The following NRIP1 variants were observed in gnomAD, a reference collection of about 807,000 sequenced individuals.
NRIP1 encodes nuclear receptor interacting protein 1, also known as nuclear receptor-interacting protein 1.
A neutral mutation model predicts 75.0 loss-of-function variants in NRIP1; 28 were observed. The ratio of observed to expected loss-of-function variants is 0.37; its 90% confidence interval spans 0.28 to 0.51. NRIP1 has a LOEUF of 0.51. NRIP1 is among the 20% of genes least tolerant of loss of function. NRIP1 has a pLI of 0.92. For missense variants in NRIP1, 1,435 were observed against 1,343.7 expected, an observed-to-expected ratio of 1.07 and a Z score of -1.06; for synonymous variants, 526 against 487.6, an observed-to-expected ratio of 1.08 and a Z score of -1.04.
At chr21:14,993,368 G>A (rs951278757) in intron 3 of NRIP1, among the ~76,000 whole-genome samples, 1 of 152,042 alleles carries the variant, frequency 6.6e-6, no homozygotes, top group Non-Finnish European at 1.5e-5. Flanking sequence ...TTAAATGTAC[G>A]AGTCAGATTT....
chr21:14,997,062 T>C (rs1051976848), intron 3 of NRIP1, among the ~76,000 whole-genome samples: 5 of 152,160 alleles, frequency 3.3e-5, no homozygotes, highest in Admixed American at 6.6e-5. Context: ...AGAAAAGCAC[T>C]GTGTTAACTG....
At chr21:15,000,914 T>C (rs1324501910) in intron 3 of NRIP1, among the ~76,000 whole-genome samples, 1 of 152,208 alleles carries the variant, frequency 6.6e-6, no homozygotes, top group Non-Finnish European at 1.5e-5. Context: ...TAGTTCATTT[T>C]AATCAATGTT....
chr21:14,991,168 C>T (rs1427418487), intron 3 of NRIP1: 1 of 151,780 alleles, frequency 6.6e-6, no homozygotes, highest in Non-Finnish European at 1.5e-5. Flanking sequence ...GCAAAAGATT[C>T]CACTGCTGTA....
chr21:14,975,495 T>A (rs1242809732), intron 3 of NRIP1, among the ~76,000 whole-genome samples: 1 of 151,168 alleles, frequency 6.6e-6, no homozygotes, highest in Non-Finnish European at 1.5e-5. Context: ...GGCTAGCCTG[T>A]AATCCTAGCA....
intron 2 of NRIP1, among the ~76,000 whole-genome samples, chr21:15,034,625 G>A (rs1291952842): frequency 6.6e-6 from 1 of 152,118 alleles, no homozygotes; most frequent in East Asian, 1.9e-4. Context: ...ATGAAAGACA[G>A]GTTAATCATC....
At chr21:15,012,397 G>C (rs1212593192) in intron 3 of NRIP1, among the ~76,000 whole-genome samples, 1 of 117,298 alleles carries the variant, frequency 8.5e-6, no homozygotes, top group African/African-American at 3.1e-5. Flanking sequence ...TCAGTAATTT[G>C]TTTTTATAAA....
At position 15,003,858 on chromosome 21, in the gene NRIP1, C is replaced by T. The variant is rs141777210; in HGVS notation, c.-335+10486G>A. ...TGAAGAACAATTAGTGATAACAAAT[C>T]GATGAATTAGGACAGTAAATTAGAA... On this transcript the variant is annotated intron_variant, in intron 3 of 3. Transcript: ENST00000318948. Among the ~76,000 whole-genome samples, 11 of 152,230 alleles carry T rather than the reference C, an allele frequency of 7.2e-5. No homozygotes were observed. The East Asian group carries it at 1.7e-3, about 24-fold the overall frequency.
intron 2 of NRIP1, among the ~76,000 whole-genome samples, chr21:15,018,545 T>C (rs997256596): frequency 3.3e-5 from 5 of 152,106 alleles, no homozygotes; most frequent in African/African-American, 7.2e-5. Flanking sequence ...AAAGAAATAG[T>C]GTATGCAAAG....
At chr21:14,992,066 C>T (rs1288648071) in intron 3 of NRIP1, among the ~76,000 whole-genome samples, 1 of 152,110 alleles carries the variant, frequency 6.6e-6, no homozygotes, top group Non-Finnish European at 1.5e-5. Flanking sequence ...TCAGACAGGT[C>T]TCACTCTGTT....
In NRIP1 at chr21:14,965,859, A is replaced by G. The variant is rs767003861; in HGVS notation, c.2334T>C (p.Ser778=). The G allele has an allele frequency of 6.2e-7, 1 of 1,614,048 alleles. No individual in the cohort carries two copies. Among genetic ancestry groups the G allele is most frequent in the Admixed American group, 1.7e-5 (1 of 59,996 alleles). Residue 778 remains serine, a synonymous_variant, in exon 4 of 4, where the codon AGT becomes AGC. Transcript: ENST00000318948. ...CAGGAGCCATACCCAAGAATGGGGC[A>G]CTCTTAGCATCATGGCTCAAGTGCA... ...TNVHLSHDAK[S]APFLGMAPAV...
chr21:14,965,620 T>G lies in NRIP1; in HGVS notation c.2573A>C (p.Lys858Thr). ...TAATGGCTCAGTATAAAGCTTCCTT[T>G]TCTTAGGGACCATGCAAAGATTCTT... ...ESKNLCMVPK[K>T]RKLYTEPLEN... Residue 858 changes from lysine (K) to threonine (T), a missense_variant, in exon 4 of 4, where the codon AAA becomes ACA. Coordinates refer to ENST00000318948, the MANE Select transcript of NRIP1 (RefSeq NM_003489.4). 1 of 1,613,482 alleles carries G rather than the reference T, an allele frequency of 6.2e-7. No homozygotes were observed. The highest frequency in any genetic ancestry group is 8.5e-7 in the Non-Finnish European group (1 of 1,179,930).
In NRIP1 at chr21:15,014,343, C is replaced by T. The variant is rs2088176348; in HGVS notation, c.-335+1G>A. The T allele has an allele frequency of 2.5e-6, 1 of 397,752 alleles. No homozygotes were observed. Among genetic ancestry groups the T allele is most frequent in the Admixed American group, 4.4e-5 (1 of 22,738 alleles). The allele number at this position is 397,752 out of a possible 1,614,324, so 24.6% of individuals were successfully genotyped here. A position where few individuals can be genotyped will look rare whatever the true frequency, so the allele number is the denominator to read the frequency against. On this transcript the variant is annotated splice_donor_variant, in intron 3 of 3. Coordinates refer to ENST00000318948, the MANE Select transcript of NRIP1 (RefSeq NM_003489.4). LOFTEE classifies it low-confidence loss of function (5UTR_SPLICE). ...AGAACTCAGGAAAAAAATATTCTCA[C>T]CGTCTGTCTCCAAGCTCTGAGCCTC...
intron 3 of NRIP1, among the ~76,000 whole-genome samples, chr21:14,982,033 T>C (rs768971840): frequency 1.3e-5 from 2 of 151,946 alleles, no homozygotes; most frequent in Non-Finnish European, 2.9e-5. Context: ...TTGATTTTTG[T>C]AGGGACGGGT....
At chr21:14,994,233 T>A (rs931182114) in intron 3 of NRIP1, among the ~76,000 whole-genome samples, 1 of 152,174 alleles carries the variant, frequency 6.6e-6, no homozygotes, top group Admixed American at 6.5e-5. Context: ...CAAGTGATTC[T>A]CATGCCTCAG....
intron 2 of NRIP1, among the ~76,000 whole-genome samples, chr21:15,025,349 A>G (rs548136197): frequency 2.0e-5 from 3 of 152,290 alleles, no homozygotes; most frequent in East Asian, 1.9e-4. Context: ...GAAATTAGAG[A>G]TATCAGTATG....
In NRIP1 at chr21:14,965,516, A is replaced by G. The variant is rs1413076389; in HGVS notation, c.2677T>C (p.Ser893Pro). ...NHSAPEVLYG[S>P]LLNQEELKFS... is the part of the protein sequence containing the mutation. ...TTCAGCTCTTCCTGGTTAAGCAAGG[A>G]CCCATACAGTACTTCTGGGGCACTG... Residue 893 changes from serine (S) to proline (P), a missense_variant, in exon 4 of 4, where the codon TCC (serine) becomes CCC (proline). Transcript: ENST00000318948. 1.9e-6 allele frequency: 3 copies of G among 1,613,946 alleles called. No individual in the cohort carries two copies. The highest frequency in any genetic ancestry group is 1.7e-6 in the Non-Finnish European group (2 of 1,179,970).
At position 14,972,645 on chromosome 21, in the gene NRIP1, T is replaced by C. The variant is rs531796133; in HGVS notation, c.-334-4119A>G. 3.3e-5 allele frequency among the ~76,000 whole-genome samples: 5 copies of C among 152,326 alleles called. No homozygotes were observed. In the South Asian group the frequency reaches 1.0e-3, roughly 32 times the overall value. ...TAAAAGTCAACACACATTTAATAAT[T>C]AGGTTTCTTTAGAGCAGCAGTCCCC... On this transcript the variant is annotated intron_variant, in intron 3 of 3. Coordinates refer to ENST00000318948, the MANE Select transcript of NRIP1 (RefSeq NM_003489.4).
At chr21:14,999,003 C>T (rs766883057) in intron 3 of NRIP1, among the ~76,000 whole-genome samples, 124 of 152,134 alleles carry the variant, frequency 8.2e-4, no homozygotes, top group Non-Finnish European at 1.0e-3. Flanking sequence ...AGTGTGAACT[C>T]TCGTAGAAAG....
Position 15,035,556 on chromosome 21 carries a change from C to CTT in NRIP1, c.-458+7937_-458+7938dup, listed in dbSNP as rs71331704. The stretch of plus-strand genomic sequence containing the variant: ...CAGACTAAGTTTAAATTGTATATGA[C>CTT]TTTTTTTTTTTTTTTTTTGAGACAG... On this transcript the variant is annotated intron_variant, in intron 2 of 3. Transcript: ENST00000318948. Among the ~76,000 whole-genome samples the CTT allele has an allele frequency of 2.1e-3, 281 of 134,486 alleles. 3 individuals carry two copies. The highest frequency in any genetic ancestry group is 5.3e-3 in the African/African-American group (192 of 36,184). The allele number at this position is 134,486 out of a possible 152,430, so 88.2% of individuals were successfully genotyped here.
Sources: allele counts gnomAD v4.1 joint callset (sites outside exome capture counted in the v4.1 genomes callset), GRCh38; gene constraint gnomAD v4.1.1; transcripts MANE v1.5; gene names NCBI Gene and HGNC (gene_info 2026-07-23, HGNC 2026-07-21).